Variants in BBOX1 observed in about 807,000 individuals in gnomAD.
BBOX1 encodes the protein gamma-butyrobetaine hydroxylase 1.
In BBOX1, 35 loss-of-function variants were observed where a neutral mutation model predicts 41.6. That is an observed-to-expected ratio of 0.84 (90% CI 0.64 to 1.11). The LOEUF (loss-of-function observed/expected upper bound fraction) is 1.11. BBOX1 is among the 50% of genes most tolerant of loss of function. BBOX1 has a pLI of 0.00. For missense variants in BBOX1, 458 were observed against 460.6 expected (o/e 0.99, Z 0.05); for synonymous variants, 163 against 154.7 (o/e 1.05, Z -0.40).
At chr11:27,072,190 A>G (rs1178550029) in intron 4 of BBOX1, among the ~76,000 whole-genome samples, 1 of 152,176 alleles carries the variant, frequency 6.6e-6, no homozygotes, top group African/African-American at 2.4e-5. Context: ...TCAGCCCAAA[A>G]TCTCCTTAAG....
intron 5 of BBOX1, among the ~76,000 whole-genome samples, chr11:27,103,483 T>C (rs1392228857): frequency 2.6e-5 from 4 of 152,112 alleles, no homozygotes. Flanking sequence ...AAATCGTTTC[T>C]ATTGATTTCT....
At chr11:27,091,010 A>G (rs1414269613) in intron 4 of BBOX1, among the ~76,000 whole-genome samples, 2 of 151,952 alleles carry the variant, frequency 1.3e-5, no homozygotes, top group Non-Finnish European at 2.9e-5. Context: ...AGTTAACACA[A>G]TTATCACAGT....
Position 27,115,069 on chromosome 11 carries a change from C to T in BBOX1, c.534-383C>T, listed in dbSNP as rs140884343. On this transcript the variant is annotated intron_variant, in intron 5 of 8. Coordinates refer to ENST00000263182, the MANE Select transcript of BBOX1 (RefSeq NM_003986.3). ...GTAGAGGTGGTGGTTGCCAACAGTG[C>T]GAATTTACTAAATGCCACTGAATTG... 4.6e-5 allele frequency among the ~76,000 whole-genome samples: 7 copies of T among 151,852 alleles called. 1 individual carries two copies. The highest frequency in any genetic ancestry group is 1.7e-4 in the African/African-American group (7 of 41,488).
chr11:27,090,284 G>A (rs1813232), intron 4 of BBOX1, among the ~76,000 whole-genome samples: 144,022 of 151,960 alleles, frequency 0.95, 68,363 homozygotes, highest in East Asian at 0.98. Context: ...ATAGAGAGAC[G>A]GTACAAAGAG....
At chr11:27,110,698 T>A (rs997302983) in intron 5 of BBOX1, among the ~76,000 whole-genome samples, 2 of 151,932 alleles carry the variant, frequency 1.3e-5, no homozygotes, top group Non-Finnish European at 2.9e-5. Flanking sequence ...CCTTATCTCT[T>A]TACCTTGCTT....
At chr11:27,043,418 C>CATGTGCAGAATGTCCAG (rs1482284669) in intron 2 of BBOX1, among the ~76,000 whole-genome samples, 1 of 150,150 alleles carries the variant, frequency 6.7e-6, no homozygotes, top group African/African-American at 2.5e-5. Context: ...AGAATGTGCA[C>CATGTGCAGAATGTCCAG]GTTTGGGGTA....
chr11:27,064,479 T>C (rs1286442048), intron 4 of BBOX1, among the ~76,000 whole-genome samples: 1 of 152,188 alleles, frequency 6.6e-6, no homozygotes, highest in African/African-American at 2.4e-5. Flanking sequence ...ATATGCAAAA[T>C]GGACCTACTG....
chr11:27,088,052 T>A (rs1050351295), intron 4 of BBOX1, among the ~76,000 whole-genome samples: 3 of 152,052 alleles, frequency 2.0e-5, no homozygotes, highest in Non-Finnish European at 4.4e-5. Context: ...TAAATCTTTC[T>A]GTATTTTTAA....
chr11:27,088,250 T>C (rs981789325), intron 4 of BBOX1, among the ~76,000 whole-genome samples: 8 of 152,036 alleles, frequency 5.3e-5, no homozygotes, highest in Non-Finnish European at 1.2e-4. Flanking sequence ...AAATTCATCT[T>C]GTGAAAATGA....
At chr11:27,104,865 C>T (rs757885215) in intron 5 of BBOX1, among the ~76,000 whole-genome samples, 8 of 152,154 alleles carry the variant, frequency 5.3e-5, no homozygotes, top group Non-Finnish European at 1.2e-4. Flanking sequence ...TGACACCTCA[C>T]ACAGCCTGGT....
At chr11:27,043,585 C>T (rs1429149169) in intron 2 of BBOX1, among the ~76,000 whole-genome samples, 1 of 151,974 alleles carries the variant, frequency 6.6e-6, no homozygotes, top group African/African-American at 2.4e-5. Flanking sequence ...TAATGGTATC[C>T]CTCCCCTAGC....
intron 2 of BBOX1, among the ~76,000 whole-genome samples, chr11:27,049,901 T>G (rs1851617413): frequency 6.6e-6 from 1 of 152,142 alleles, no homozygotes; most frequent in African/African-American, 2.4e-5. Context: ...GCCTGTTCAT[T>G]TGGGTTCATA....
intron 5 of BBOX1, 98 bp downstream of exon 5, chr11:27,093,464 CATA>C (rs1858323782): frequency 2.4e-6 from 3 of 1,237,332 alleles, no homozygotes; most frequent in African/African-American, 1.5e-5. Context: ...CAGAAATTCT[CATA>C]ATGTCTTGAG....
intron 4 of BBOX1, among the ~76,000 whole-genome samples, chr11:27,076,714 G>A (rs944799452): frequency 1.2e-4 from 19 of 152,142 alleles, no homozygotes; most frequent in African/African-American, 3.6e-4. Flanking sequence ...AGACAGGGCC[G>A]CACTCTGGCT....
Position 27,073,518 on chromosome 11 carries a change from T to A in BBOX1, c.334+16203T>A, listed in dbSNP as rs1050981710. Among the ~76,000 whole-genome samples, 31 of 148,146 alleles carry A rather than the reference T, an allele frequency of 2.1e-4. 2 individuals carry two copies. Among genetic ancestry groups the A allele is most frequent in the African/African-American group, 7.7e-4 (29 of 37,592 alleles). On this transcript the variant is annotated intron_variant, in intron 4 of 8. Coordinates refer to ENST00000263182, the MANE Select transcript of BBOX1 (RefSeq NM_003986.3). ...AGACAGTGTGGCAATTCCTCAGGGA[T>A]CTAGAACTAGAAATACCATTTGACC... is the stretch of plus-strand genomic sequence containing the variant.
rs1215615371 is a variant in BBOX1, at chr11:27,055,592, A to G, written c.162A>G (p.Leu54=). The change falls in exon 3 of 9, where the codon CTA becomes CTG. Residue 54 remains leucine, a synonymous_variant. Coordinates refer to ENST00000263182, the MANE Select transcript of BBOX1 (RefSeq NM_003986.3). ...ATTCTGCAAAAGCACGGAAACTTCT[A>G]GTGGAAGCTCTTGATGTGAACATTG... ...YLDSAKARKL[L]VEALDVNIGI... 1 of 1,614,186 alleles carries G rather than the reference A, an allele frequency of 6.2e-7. No individual in the cohort carries two copies. Among genetic ancestry groups the G allele is most frequent in the East Asian group, 2.2e-5 (1 of 44,880 alleles).
At chr11:27,084,065 C>T (rs191393659) in intron 4 of BBOX1, among the ~76,000 whole-genome samples, 9 of 152,192 alleles carry the variant, frequency 5.9e-5, no homozygotes, top group Non-Finnish European at 1.3e-4. Context: ...GCTTGGCCAG[C>T]ACACAAGAAA....
intron 5 of BBOX1, among the ~76,000 whole-genome samples, chr11:27,109,868 T>G (rs1858994682): frequency 6.6e-6 from 1 of 151,994 alleles, no homozygotes; most frequent in African/African-American, 2.4e-5. Context: ...GAAGCTAAAA[T>G]ATCCAGACCA....
intron 2 of BBOX1, among the ~76,000 whole-genome samples, chr11:27,043,393 C>CTGGGGTACATGTGCAGAATGTGTAGGTT (rs1851397001): frequency 7.3e-6 from 1 of 136,964 alleles, no homozygotes; most frequent in Non-Finnish European, 1.7e-5. Context: ...CTTTTAAGTG[C>CTGGGGTACATGTGCAGAATGTGTAGGTT]TGGGGTACAT....
Sources: gnomAD v4.1 joint callset for allele counts (sites outside exome capture counted in the v4.1 genomes callset) on GRCh38, gnomAD v4.1.1 for gene constraint, MANE v1.5 for transcripts, NCBI Gene and HGNC (gene_info 2026-07-23, HGNC 2026-07-21) for gene names.